PINX1: variants seen among roughly 807,000 people sequenced by gnomAD.
PINX1 encodes PIN2/TERF1-interacting telomerase inhibitor 1.
Under a neutral mutation model 25.4 loss-of-function variants are expected in PINX1, and 34 were observed. The observed-to-expected ratio is 1.34, with a 90% CI of 1.02 to 1.78. The LOEUF is 1.78. Among genes scored for constraint, PINX1 ranks in the 40% most tolerant of loss-of-function variants. The pLI is 0.00. For missense variants in PINX1, 592 were observed against 404.9 expected, an observed-to-expected ratio of 1.46 and a Z score of -3.97; for synonymous variants, 197 against 147.7, an observed-to-expected ratio of 1.33 and a Z score of -2.42.
intron 6 of PINX1, among the ~76,000 whole-genome samples, chr8:10,797,986 A>G (rs983910792): frequency 1.3e-5 from 2 of 152,228 alleles, no homozygotes; most frequent in African/African-American, 4.8e-5. Context: ...TATCAGAAAT[A>G]AAGCAAGTAT....
intron 6 of PINX1, among the ~76,000 whole-genome samples, chr8:10,805,281 G>T (rs547920719): frequency 6.6e-6 from 1 of 152,218 alleles, no homozygotes; most frequent in Non-Finnish European, 1.5e-5. Context: ...AGACATCCAC[G>T]TCAGGGTAAT....
At chr8:10,777,664 T>C (rs1181526139) in intron 6 of PINX1, among the ~76,000 whole-genome samples, 3 of 152,180 alleles carry the variant, frequency 2.0e-5, no homozygotes, top group Admixed American at 6.5e-5. Flanking sequence ...CCCCCAAAAT[T>C]GCCTTTTTTT....
chr8:10,779,816 C>T (rs1235363815), intron 6 of PINX1, among the ~76,000 whole-genome samples: 1 of 152,102 alleles, frequency 6.6e-6, no homozygotes, highest in Non-Finnish European at 1.5e-5. Context: ...ACAAGGCCTA[C>T]AAATGAAGAC....
intron 6 of PINX1, among the ~76,000 whole-genome samples, chr8:10,812,693 C>G (rs1451643147): frequency 6.6e-6 from 1 of 152,212 alleles, no homozygotes; most frequent in Non-Finnish European, 1.5e-5. Flanking sequence ...GAACGTACTC[C>G]TTGAAAACAT....
chr8:10,796,983 C>G (rs774839818), intron 6 of PINX1, among the ~76,000 whole-genome samples: 1 of 151,940 alleles, frequency 6.6e-6, no homozygotes, highest in Non-Finnish European at 1.5e-5. Flanking sequence ...GAAACTCTGC[C>G]CTACAGCAAT....
At chr8:10,779,173 T>A (rs1801505794) in intron 6 of PINX1, among the ~76,000 whole-genome samples, 1 of 152,210 alleles carries the variant, frequency 6.6e-6, no homozygotes, top group African/African-American at 2.4e-5. Flanking sequence ...TTTTAAAGGA[T>A]TATGTGTAAG....
chr8:10,769,686 C>T (rs965599606), intron 6 of PINX1, among the ~76,000 whole-genome samples: 1 of 152,226 alleles, frequency 6.6e-6, no homozygotes, highest in Admixed American at 6.5e-5. Context: ...CCACATCACA[C>T]AGGCAGAGAG....
At chr8:10,791,589 G>C (rs1198468758) in intron 6 of PINX1, among the ~76,000 whole-genome samples, 7 of 152,294 alleles carry the variant, frequency 4.6e-5, no homozygotes, top group African/African-American at 1.7e-4. Flanking sequence ...TTAGAATTTA[G>C]GCTTCAGTGC....
chr8:10,836,978 T>TTCTCATGCCC (rs1209263290), intron 1 of PINX1, among the ~76,000 whole-genome samples: 1 of 152,160 alleles, frequency 6.6e-6, no homozygotes, highest in Non-Finnish European at 1.5e-5. Flanking sequence ...TCCTTTGTAA[T>TTCTCATGCCC]TCTCATGCCA....
At chr8:10,782,473 C>T (rs951175588) in intron 6 of PINX1, among the ~76,000 whole-genome samples, 6 of 151,992 alleles carry the variant, frequency 3.9e-5, no homozygotes, top group East Asian at 1.9e-4. Context: ...CAGTGGCTCA[C>T]GCCTGTAATC....
At chr8:10,827,150 C>T (rs1385557258) in intron 4 of PINX1, among the ~76,000 whole-genome samples, 1 of 152,112 alleles carries the variant, frequency 6.6e-6, no homozygotes. Flanking sequence ...AATTATTTTG[C>T]GAATTCCTAC....
intron 6 of PINX1, among the ~76,000 whole-genome samples, chr8:10,770,618 T>C (rs1429889524): frequency 6.6e-6 from 1 of 152,238 alleles, no homozygotes; most frequent in Non-Finnish European, 1.5e-5. Flanking sequence ...ACATGTATAC[T>C]GAGATGGATT....
Position 10,820,219 on chromosome 8 carries a change from T to G in PINX1, c.445A>C (p.Lys149Gln). 1 of 1,612,632 alleles carries G rather than the reference T, an allele frequency of 6.2e-7. No homozygotes were observed. Among genetic ancestry groups the G allele is most frequent in the Non-Finnish European group, 8.5e-7 (1 of 1,178,736 alleles). Residue 149 changes from lysine to glutamine, a missense_variant, in exon 6 of 7, where the codon AAA becomes CAA. Transcript: ENST00000314787. Reference sequence around the variant, plus strand: ...TCGGGAGTCTTCTTACTCTGTCTTTTCCCAAAAATGCAGTCAAGATCTGTT... The same window carrying G: ...TCGGGAGTCTTCTTACTCTGTCTTTGCCCAAAAATGCAGTCAAGATCTGTT... ...SKTDLDCIFGKRQSKKTPEGD... is the reference protein window; with the variant it reads ...SKTDLDCIFGQRQSKKTPEGD...
At chr8:10,788,037 GTGAC>G (rs1220480327) in intron 6 of PINX1, among the ~76,000 whole-genome samples, 2 of 152,168 alleles carry the variant, frequency 1.3e-5, no homozygotes, top group South Asian at 2.1e-4. Context: ...TAACAGTACT[GTGAC>G]TGTGTGTTAT....
chr8:10,819,994 T>C (rs1406308041), intron 6 of PINX1, among the ~76,000 whole-genome samples, 199 bp downstream of exon 6: 2 of 152,230 alleles, frequency 1.3e-5, no homozygotes, highest in Non-Finnish European at 2.9e-5. Flanking sequence ...ACTTATTCTT[T>C]TTTTTAAAGA....
intron 6 of PINX1, among the ~76,000 whole-genome samples, chr8:10,783,599 C>A (rs1329351815): frequency 6.6e-6 from 1 of 152,188 alleles, no homozygotes; most frequent in Non-Finnish European, 1.5e-5. Context: ...GCACTCAAGG[C>A]CTTTGCTCCA....
At position 10,765,477 on chromosome 8, in the gene PINX1, T is replaced by G. The variant is rs761990848; in HGVS notation, c.911A>C (p.Lys304Thr). 2.4e-5 allele frequency: 38 copies of G among 1,613,468 alleles called. No individual in the cohort carries two copies. The Admixed American group carries it at 4.5e-4, about 19-fold the overall frequency. ...AGCGTCCTCTGCTATCTCTACTGGT[T>G]TTTGCAGCTTTTTCTTCCCTCTCCT... is the stretch of plus-strand genomic sequence containing the variant. ...KKRRGKKKLQ[K>T]PVEIAEDATL... The change falls in exon 7 of 7, where the codon AAA becomes ACA. Residue 304 changes from lysine (K) to threonine (T), a missense_variant. By Grantham distance (78) the Lys-to-Thr change is moderately conservative. Coordinates refer to ENST00000314787, the MANE Select transcript of PINX1 (RefSeq NM_017884.6).
At position 10,765,381 on chromosome 8, in the gene PINX1, A is replaced by C; in HGVS notation, c.*20T>G. ...GTGCCCTGACAGCTGAGTGGTCGGA[A>C]GGCCCCGGCTGGGAAGGATTCATTT... On this transcript the variant is annotated 3_prime_UTR_variant, in exon 7 of 7. Transcript: ENST00000314787. 1 of 1,566,694 alleles carries C rather than the reference A, an allele frequency of 6.4e-7. No individual in the cohort carries two copies.
intron 2 of PINX1, 111 bp downstream of exon 2, chr8:10,834,555 A>C: frequency 7.0e-7 from 1 of 1,425,056 alleles, no homozygotes; most frequent in Non-Finnish European, 9.3e-7. Context: ...GATCAAAATC[A>C]CTTACTGATC....
Sources: gnomAD v4.1 joint callset for allele counts (sites outside exome capture counted in the v4.1 genomes callset) on GRCh38, gnomAD v4.1.1 for gene constraint, MANE v1.5 for transcripts, NCBI Gene and HGNC (gene_info 2026-07-23, HGNC 2026-07-21) for gene names.